Variants in NCOR1 observed in about 807,000 individuals in gnomAD.
The protein encoded by NCOR1 is protein phosphatase 1, regulatory subunit 109.
NCOR1 carries 63 observed loss-of-function variants against 288.1 expected under a neutral mutation model. The observed-to-expected ratio is 0.22, with a 90% CI of 0.18 to 0.27. The LOEUF (loss-of-function observed/expected upper bound fraction) is 0.27. Ranked by LOEUF, NCOR1 falls within the 10% of genes least tolerant of loss-of-function variation. The pLI, the probability that NCOR1 is intolerant of heterozygous loss-of-function variation, is 1.00. For missense variants in NCOR1, 2,397 were observed against 3,019.2 expected (o/e 0.79, Z 4.83); for synonymous variants, 1,007 against 1,065.9 (o/e 0.94, Z 1.08).
intron 39 of NCOR1, 78 bp from the exon 40 acceptor site, chr17:16,057,815 ATCTT>A: frequency 6.8e-7 from 1 of 1,474,230 alleles, no homozygotes; most frequent in Admixed American, 2.3e-5. Flanking sequence ...AAATCTAGAT[ATCTT>A]TATTATAAAT....
In NCOR1 at chr17:16,154,386, T is replaced by C. The variant is rs190536596; in HGVS notation, c.733-991A>G. ...CAACATATGTTCGGTATGTTCTATG[T>C]GCCAAGCACTCACTAGACACTAAGA... is the stretch of plus-strand genomic sequence containing the variant. On this transcript the variant is annotated intron_variant, in intron 6 of 45. Transcript: ENST00000268712. Among the ~76,000 whole-genome samples the C allele has an allele frequency of 2.0e-5, 3 of 152,336 alleles. No individual in the cohort carries two copies. The East Asian group carries it at 5.8e-4, about 29-fold the overall frequency.
chr17:16,140,525 A>C (rs2076999759), intron 11 of NCOR1, among the ~76,000 whole-genome samples: 1 of 152,052 alleles, frequency 6.6e-6, no homozygotes, highest in South Asian at 2.1e-4. Context: ...AAATTAGCTA[A>C]GTGAGAGGCT....
chr17:16,058,655 C>T (rs1270347660), intron 37 of NCOR1, 56 bp from the exon 38 acceptor site: 4 of 1,519,648 alleles, frequency 2.6e-6, no homozygotes, highest in South Asian at 1.2e-5. Context: ...TTTCTGAAGT[C>T]TAAGTTCTTC....
At chr17:16,213,093 ACTAAT>A (rs2092285796) in intron 1 of NCOR1, among the ~76,000 whole-genome samples, 2 of 152,134 alleles carry the variant, frequency 1.3e-5, no homozygotes, top group African/African-American at 4.8e-5. Context: ...AAAGTTATTA[ACTAAT>A]CTAATCTTTC....
chr17:16,153,332 T>C lies in NCOR1; in HGVS notation c.789+7A>G. 3 of 1,569,830 alleles carry C rather than the reference T, an allele frequency of 1.9e-6. 1 individual carries two copies. Among genetic ancestry groups the C allele is most frequent in the East Asian group, 4.5e-5 (2 of 44,564 alleles). On this transcript the variant is annotated splice_region_variant and intron_variant, in intron 7 of 45. Transcript: ENST00000268712. Reference sequence around the variant, plus strand: ...AAAAATCACTGGAAATGAAAAAATTTACTTACCAGTTCAACTTTTGGGCCA... The same window carrying C: ...AAAAATCACTGGAAATGAAAAAATTCACTTACCAGTTCAACTTTTGGGCCA...
At chr17:16,102,099 A>T (rs2067724331) in intron 19 of NCOR1, among the ~76,000 whole-genome samples, 1 of 152,210 alleles carries the variant, frequency 6.6e-6, no homozygotes. Flanking sequence ...CCTATAAATG[A>T]TGACATTCTG....
intron 11 of NCOR1, among the ~76,000 whole-genome samples, 167 bp downstream of exon 11, chr17:16,143,439 G>C (rs1198549740): frequency 6.6e-6 from 1 of 152,176 alleles, no homozygotes; most frequent in East Asian, 1.9e-4. Flanking sequence ...ATGATCGTGT[G>C]ACTGCCTCGT....
chr17:16,114,728 G>GC (rs751849770), intron 18 of NCOR1, among the ~76,000 whole-genome samples: 1 of 152,218 alleles, frequency 6.6e-6, no homozygotes, highest in Non-Finnish European at 1.5e-5. Flanking sequence ...TCGTGCTGAT[G>GC]CAAGAGGTGG....
At chr17:16,083,428 A>G (rs2063715289) in intron 23 of NCOR1, among the ~76,000 whole-genome samples, 2 of 152,030 alleles carry the variant, frequency 1.3e-5, no homozygotes, top group African/African-American at 2.4e-5. Context: ...ACACATACAA[A>G]TCTCTAAAGT....
chr17:16,093,019 T>C (rs1256710106), intron 21 of NCOR1, among the ~76,000 whole-genome samples: 1 of 152,142 alleles, frequency 6.6e-6, no homozygotes, highest in East Asian at 1.9e-4. Flanking sequence ...CATCCATTTA[T>C]GTTGATTTAA....
intron 21 of NCOR1, among the ~76,000 whole-genome samples, chr17:16,093,626 G>A (rs1254685135): frequency 1.3e-5 from 2 of 152,132 alleles, no homozygotes; most frequent in Non-Finnish European, 2.9e-5. Context: ...GGTAACTTAA[G>A]ACTTCCATAG....
Position 16,138,177 on chromosome 17 carries a change from G to C in NCOR1, c.1388C>G (p.Ala463Gly), listed in dbSNP as rs1459666467. The C allele has an allele frequency of 6.2e-7, 1 of 1,612,966 alleles. No homozygotes were observed. Among genetic ancestry groups the C allele is most frequent in the African/African-American group, 1.3e-5 (1 of 74,816 alleles). The stretch of plus-strand genomic sequence containing the variant: ...TCTTACCTTCCTCTCCAAGTATGAT[G>C]CAATTAGTCCAAAGTTTTTTGGATG... ...IQHPKNFGLI[A>G]SYLERKSVPD... Residue 463 changes from alanine to glycine, a missense_variant, in exon 13 of 46, where the codon GCA (alanine) becomes GGA (glycine). By Grantham distance (60) the Ala-to-Gly change is moderately conservative (BLOSUM62 0). Coordinates refer to ENST00000268712, the MANE Select transcript of NCOR1 (RefSeq NM_006311.4).
rs2074400032 is a variant in NCOR1 at position 16,127,295 on chromosome 17, ATG to A, written c.1510-1091_1510-1090del. On this transcript the variant is annotated intron_variant, in intron 14 of 45. Transcript: ENST00000268712. The stretch of plus-strand genomic sequence containing the variant: ...TATGTATATATACGTGTATATATGT[ATG>A]TATGTATATATACATGTATGTATAT... 1.6e-4 allele frequency among the ~76,000 whole-genome samples: 17 copies of A among 105,344 alleles called. 5 individuals carry two copies. Among genetic ancestry groups the A allele is most frequent in the African/African-American group, 5.1e-4 (15 of 29,284 alleles). 69.1% of individuals were successfully genotyped at this position (105,344 alleles called of 152,430 possible). A position where few individuals can be genotyped will look rare whatever the true frequency, so the allele number is the denominator to read the frequency against.
chr17:16,207,179 AGTAAC>A (rs1379442650), intron 1 of NCOR1, among the ~76,000 whole-genome samples: 1 of 152,236 alleles, frequency 6.6e-6, no homozygotes, highest in Non-Finnish European at 1.5e-5. Context: ...AAATCTTAAA[AGTAAC>A]GCAAAGTTAA....
intron 6 of NCOR1, among the ~76,000 whole-genome samples, chr17:16,155,397 A>ACACACAC: frequency 6.6e-6 from 1 of 151,790 alleles, no homozygotes; most frequent in South Asian, 2.1e-4. Context: ...ACACACCCAC[A>ACACACAC]AAGATATTCT....
At chr17:16,074,368 T>A (rs1448762538) in intron 27 of NCOR1, among the ~76,000 whole-genome samples, 1 of 151,734 alleles carries the variant, frequency 6.6e-6, no homozygotes, top group African/African-American at 2.4e-5. Context: ...ATGGTGACAG[T>A]GGTGAATACA....
At chr17:16,046,838 G>T in intron 42 of NCOR1, 113 bp downstream of exon 42, 1 of 1,246,622 alleles carries the variant, frequency 8.0e-7, no homozygotes, top group East Asian at 2.5e-5. Flanking sequence ...AGATGTGTTG[G>T]ACAGATGTCC....
Position 16,029,174 on chromosome 17 carries a change from T to TATTTA in NCOR1, c.*3117_*3121dup, listed in dbSNP as rs1240291638. 2.2e-6 allele frequency: 1 copy of TATTTA among 453,282 alleles called. No homozygotes were observed. The highest frequency in any genetic ancestry group is 2.4e-5 in the Admixed American group (1 of 42,448). The allele number at this position is 453,282 out of a possible 1,614,324, so 28.1% of individuals were successfully genotyped here. A position where few individuals can be genotyped will look rare whatever the true frequency, so the allele number is the denominator to read the frequency against. The stretch of plus-strand genomic sequence containing the variant: ...CTGAAAGGTTTTTCATTCCAAGTTT[T>TATTTA]ATTTATTTATTAATTTTAAATCATC... On this transcript the variant is annotated 3_prime_UTR_variant, in exon 46 of 46. Transcript: ENST00000268712.
intron 1 of NCOR1, among the ~76,000 whole-genome samples, chr17:16,201,769 C>CA (rs2090842780): frequency 6.6e-6 from 1 of 152,022 alleles, no homozygotes; most frequent in Non-Finnish European, 1.5e-5. Context: ...AACACTCACT[C>CA]ACTCACTCAA....
Sources: allele counts gnomAD v4.1 joint callset (sites outside exome capture counted in the v4.1 genomes callset), GRCh38; gene constraint gnomAD v4.1.1; transcripts MANE v1.5; gene names NCBI Gene and HGNC (gene_info 2026-07-23, HGNC 2026-07-21).